Variants in MCU observed in about 807,000 individuals in gnomAD.
MCU encodes the protein mitochondrial calcium uniporter, also known as calcium uniporter protein, mitochondrial.
In MCU, 12 loss-of-function variants were observed where a neutral mutation model predicts 45.2. That is an observed-to-expected ratio of 0.27 (90% CI 0.17 to 0.43). MCU has a LOEUF of 0.43. Among genes scored for constraint, MCU ranks in the 20% least tolerant of loss-of-function variants. The pLI is 1.00. For synonymous variants in MCU, 160 were observed against 165.1 expected, an observed-to-expected ratio of 0.97 and a Z score of 0.24; for missense variants, 324 against 436.7, an observed-to-expected ratio of 0.74 and a Z score of 2.30.
chr10:72,868,174 T>TGGTA (rs1359619549), intron 4 of MCU, among the ~76,000 whole-genome samples: 1 of 152,186 alleles, frequency 6.6e-6, no homozygotes, highest in Non-Finnish European at 1.5e-5. Flanking sequence ...AAGAATATAA[T>TGGTA]GGTAGATATT....
intron 2 of MCU, among the ~76,000 whole-genome samples, chr10:72,840,370 C>T (rs1451390287): frequency 6.6e-6 from 1 of 152,138 alleles, no homozygotes; most frequent in Admixed American, 6.6e-5. Context: ...CTTTTGAAAA[C>T]ATTTGACTAT....
In MCU at chr10:72,887,172, T is replaced by G. The variant is rs1343668272; in HGVS notation, c.*1350T>G. Reference sequence around the variant, plus strand: ...GCCTTTTCTTTCACGTGATTCATCCTTCCTCATTGTGGCAAGGAGTTTCTT... The same window carrying G: ...GCCTTTTCTTTCACGTGATTCATCCGTCCTCATTGTGGCAAGGAGTTTCTT... On this transcript the variant is annotated 3_prime_UTR_variant, in exon 8 of 8. Transcript: ENST00000373053. The G allele has an allele frequency of 6.6e-6, 1 of 152,650 alleles. No homozygotes were observed. The highest frequency in any genetic ancestry group is 1.5e-5 in the Non-Finnish European group (1 of 68,046). 9.5% of individuals were successfully genotyped at this position (152,650 alleles called of 1,614,324 possible). A position where few individuals can be genotyped will look rare whatever the true frequency, so the allele number is the denominator to read the frequency against.
At chr10:72,770,172 T>C (rs968957763) in intron 1 of MCU, among the ~76,000 whole-genome samples, 2 of 152,178 alleles carry the variant, frequency 1.3e-5, no homozygotes, top group Non-Finnish European at 1.5e-5. Flanking sequence ...TACTTTATTA[T>C]TTCAATCCTT....
intron 1 of MCU, among the ~76,000 whole-genome samples, chr10:72,783,870 T>G (rs747243183): frequency 1.8e-4 from 28 of 152,180 alleles, no homozygotes; most frequent in Non-Finnish European, 3.7e-4. Context: ...CTTTATTTCT[T>G]TTTAAAAAAT....
chr10:72,884,501 T>C, intron 7 of MCU, 119 bp downstream of exon 7: 1 of 641,378 alleles, frequency 1.6e-6, no homozygotes, highest in Non-Finnish European at 2.8e-6. Context: ...CTCTTCTTCC[T>C]GTATAAATTA....
intron 4 of MCU, among the ~76,000 whole-genome samples, chr10:72,865,862 T>C (rs1415815749): frequency 6.6e-6 from 1 of 151,480 alleles, no homozygotes; most frequent in Non-Finnish European, 1.5e-5. Flanking sequence ...CTGCAAGCTC[T>C]GCCTCCTGGG....
intron 1 of MCU, among the ~76,000 whole-genome samples, chr10:72,805,134 TC>T (rs1303110270): frequency 1.4e-5 from 2 of 139,430 alleles, no homozygotes; most frequent in Non-Finnish European, 1.5e-5. Flanking sequence ...TTTCTTTCTT[TC>T]TTTCTTTCTT....
At chr10:72,811,392 T>C (rs919987292) in intron 1 of MCU, among the ~76,000 whole-genome samples, 1 of 152,196 alleles carries the variant, frequency 6.6e-6, no homozygotes, top group Non-Finnish European at 1.5e-5. Context: ...ACAAACATTT[T>C]TTTGTGTCTG....
intron 1 of MCU, among the ~76,000 whole-genome samples, chr10:72,828,470 C>T (rs1327002490): frequency 6.6e-6 from 1 of 152,064 alleles, no homozygotes; most frequent in African/African-American, 2.4e-5. Flanking sequence ...CTCTTTCTCT[C>T]TCCCCCTGCC....
chr10:72,827,934 A>G (rs765149550), intron 1 of MCU, among the ~76,000 whole-genome samples: 3 of 152,200 alleles, frequency 2.0e-5, no homozygotes, highest in Non-Finnish European at 4.4e-5. Context: ...GTATATTGGT[A>G]GATTAGAAGT....
intron 6 of MCU, among the ~76,000 whole-genome samples, chr10:72,875,788 A>T (rs1041620913): frequency 7.2e-5 from 11 of 152,204 alleles, no homozygotes; most frequent in Admixed American, 2.6e-4. Context: ...GAACCTGAGT[A>T]CTGATTTCTA....
At chr10:72,745,737 A>G (rs1477659631) in intron 1 of MCU, among the ~76,000 whole-genome samples, 2 of 152,168 alleles carry the variant, frequency 1.3e-5, no homozygotes, top group Non-Finnish European at 2.9e-5. Context: ...GTGGTAGTAT[A>G]CCATATATCA....
chr10:72,821,031 T>A (rs1047632082), intron 1 of MCU, among the ~76,000 whole-genome samples: 2 of 152,144 alleles, frequency 1.3e-5, no homozygotes, highest in African/African-American at 4.8e-5. Context: ...TATTCCTAGA[T>A]TCAGTGCCCA....
intron 1 of MCU, among the ~76,000 whole-genome samples, chr10:72,772,847 A>G (rs1843832607): frequency 1.3e-5 from 2 of 152,208 alleles, no homozygotes; most frequent in South Asian, 4.1e-4. Flanking sequence ...GACCCTAACA[A>G]GATGGCAGTT....
chr10:72,770,748 A>G (rs1843793975), intron 1 of MCU, among the ~76,000 whole-genome samples: 2 of 151,918 alleles, frequency 1.3e-5, no homozygotes. Context: ...CTTTGTTCTG[A>G]TAGCGTCAAA....
intron 1 of MCU, among the ~76,000 whole-genome samples, chr10:72,694,844 C>T (rs1410665078): frequency 2.0e-5 from 3 of 152,210 alleles, no homozygotes; most frequent in Non-Finnish European, 4.4e-5. Context: ...CAAAGCAATA[C>T]AGTAGCTCAG....
rs1029215280 is a variant in MCU at position 72,697,997 on chromosome 10, T to G, written c.150+5696T>G. 3.9e-5 allele frequency among the ~76,000 whole-genome samples: 6 copies of G among 152,038 alleles called. 1 individual carries two copies. The highest frequency in any genetic ancestry group is 1.4e-4 in the African/African-American group (6 of 41,404). ...GTCTTGCTATGTTGCCCAAGCTGGT[T>G]TCTTAACTCCTGGCTTCAATAGATC... On this transcript the variant is annotated intron_variant, in intron 1 of 7. Transcript: ENST00000373053.
intron 1 of MCU, among the ~76,000 whole-genome samples, chr10:72,782,521 G>T (rs1204552239): frequency 6.6e-6 from 1 of 152,086 alleles, no homozygotes; most frequent in Non-Finnish European, 1.5e-5. Flanking sequence ...ACAGGCACCT[G>T]CCACCATACC....
intron 4 of MCU, among the ~76,000 whole-genome samples, chr10:72,862,107 G>A (rs1845386148): frequency 6.6e-6 from 1 of 150,836 alleles, no homozygotes; most frequent in Admixed American, 6.6e-5. Flanking sequence ...TCAACCTCCT[G>A]AGTAGCTGGG....
Sources: allele counts gnomAD v4.1 joint callset (sites outside exome capture counted in the v4.1 genomes callset), GRCh38; gene constraint gnomAD v4.1.1; transcripts MANE v1.5; gene names NCBI Gene and HGNC (gene_info 2026-07-23, HGNC 2026-07-21).